EXOC6B: variants seen among roughly 807,000 people sequenced by gnomAD.
EXOC6B encodes the protein SEC15 homolog B.
In EXOC6B, 54 loss-of-function variants were observed where a neutral mutation model predicts 113.5. The observed-to-expected ratio is 0.48, with a 90% CI of 0.38 to 0.60. EXOC6B has a LOEUF of 0.60. EXOC6B is among the 20% of genes least tolerant of loss of function. EXOC6B has a pLI of 0.00. For synonymous variants in EXOC6B, 357 were observed against 339.0 expected (o/e 1.05, Z -0.58); for missense variants, 797 against 977.5 (o/e 0.82, Z 2.46).
intron 19 of EXOC6B, among the ~76,000 whole-genome samples, chr2:72,375,775 C>T (rs952151332): frequency 1.2e-4 from 18 of 151,840 alleles, no homozygotes; most frequent in African/African-American, 4.4e-4. Context: ...AGCAAATAAA[C>T]AAAAAGTAAG....
intron 19 of EXOC6B, among the ~76,000 whole-genome samples, chr2:72,370,015 T>A (rs1017819930): frequency 6.6e-6 from 1 of 152,094 alleles, no homozygotes; most frequent in African/African-American, 2.4e-5. Context: ...ACAAATGGGA[T>A]CTCATTAAAC....
At chr2:72,426,528 G>A (rs1695203609) in intron 18 of EXOC6B, among the ~76,000 whole-genome samples, 1 of 152,106 alleles carries the variant, frequency 6.6e-6, no homozygotes, top group Non-Finnish European at 1.5e-5. Flanking sequence ...TCTGCTATTT[G>A]TTATGATTAG....
chr2:72,258,290 A>G (rs966097315), intron 20 of EXOC6B, among the ~76,000 whole-genome samples: 2 of 151,706 alleles, frequency 1.3e-5, no homozygotes, highest in Non-Finnish European at 2.9e-5. Flanking sequence ...TGATGTTCTC[A>G]GCACTTACGC....
At chr2:72,235,741 C>T (rs892163181) in intron 20 of EXOC6B, among the ~76,000 whole-genome samples, 13 of 152,078 alleles carry the variant, frequency 8.5e-5, no homozygotes, top group Middle Eastern at 3.4e-3. Flanking sequence ...TGTGGTGCCA[C>T]CCTTGTCTGC....
intron 2 of EXOC6B, among the ~76,000 whole-genome samples, chr2:72,739,606 A>G (rs1295939012): frequency 2.0e-5 from 3 of 152,078 alleles, no homozygotes; most frequent in Non-Finnish European, 4.4e-5. Flanking sequence ...AAAATAATAT[A>G]AATATTCACC....
chr2:72,568,486 C>T (rs369337946), intron 7 of EXOC6B, among the ~76,000 whole-genome samples: 13 of 152,000 alleles, frequency 8.6e-5, no homozygotes, highest in African/African-American at 2.9e-4. Context: ...ATGATGCATG[C>T]CACTTTCTTC....
rs115544054 is a variant in EXOC6B, at chr2:72,356,744, C to G, written c.2123-21724G>C. On this transcript the variant is annotated intron_variant, in intron 19 of 21. Transcript: ENST00000272427. ...CGCTTGCTTTCTGCTTGCATATACT[C>G]TAAATATAGTAGTCTTCCCCTTATC... 3.9e-3 allele frequency among the ~76,000 whole-genome samples: 586 copies of G among 152,178 alleles called. 11 individuals are homozygous for G. The highest frequency in any genetic ancestry group is 0.014 in the African/African-American group (573 of 41,516).
chr2:72,710,217 C>CA (rs1007774144), intron 6 of EXOC6B, among the ~76,000 whole-genome samples: 3 of 151,642 alleles, frequency 2.0e-5, no homozygotes, highest in African/African-American at 7.3e-5. Context: ...TGTGGGGAGC[C>CA]AAAAAACAAG....
At chr2:72,745,790 C>A (rs547528209) in intron 1 of EXOC6B, among the ~76,000 whole-genome samples, 44 of 152,088 alleles carry the variant, frequency 2.9e-4, no homozygotes, top group Non-Finnish European at 1.0e-4. Context: ...TAACACTTTG[C>A]TAACCAACAT....
chr2:72,558,177 A>G (rs999950560), intron 8 of EXOC6B, among the ~76,000 whole-genome samples: 6 of 152,170 alleles, frequency 3.9e-5, no homozygotes, highest in Non-Finnish European at 7.3e-5. Context: ...GTAAATACAA[A>G]AATCACATTA....
Position 72,312,800 on chromosome 2 carries a change from C to CA in EXOC6B, c.2196+22146dup, listed in dbSNP as rs11288459. Among the ~76,000 whole-genome samples the CA allele has an allele frequency of 3.8e-3, 431 of 113,350 alleles. 3 individuals carry two copies. The highest frequency in any genetic ancestry group is 0.029 in the East Asian group (103 of 3,594). 74.4% of individuals were successfully genotyped at this position (113,350 alleles called of 152,430 possible). A position where few individuals can be genotyped will look rare whatever the true frequency, so the allele number is the denominator to read the frequency against. Reference sequence around the variant, plus strand: ...AACAACAACAAACAAAAACGACAACCAAAAAAAAAAAAAACAAAAAACAAA... The same window carrying CA: ...AACAACAACAAACAAAAACGACAACCAAAAAAAAAAAAAAACAAAAAACAAA... On this transcript the variant is annotated intron_variant, in intron 20 of 21. Coordinates refer to ENST00000272427, the MANE Select transcript of EXOC6B (RefSeq NM_015189.3).
intron 9 of EXOC6B, 44 bp downstream of exon 9, chr2:72,514,999 G>T: frequency 6.6e-7 from 1 of 1,509,490 alleles, no homozygotes; most frequent in South Asian, 1.2e-5. Context: ...AGACATCAAG[G>T]AGGAAAAGTA....
At chr2:72,304,139 T>C (rs1314478857) in intron 20 of EXOC6B, among the ~76,000 whole-genome samples, 2 of 152,214 alleles carry the variant, frequency 1.3e-5, no homozygotes, top group African/African-American at 4.8e-5. Context: ...TGTTAGTACA[T>C]ATGACTGCCT....
chr2:72,471,540 T>A (rs1698411206), intron 17 of EXOC6B, among the ~76,000 whole-genome samples: 2 of 152,184 alleles, frequency 1.3e-5, no homozygotes, highest in African/African-American at 4.8e-5. Context: ...TCCTTGCCCA[T>A]GCCTATGTCC....
intron 20 of EXOC6B, among the ~76,000 whole-genome samples, chr2:72,310,910 G>A (rs1687150660): frequency 6.7e-6 from 1 of 149,530 alleles, no homozygotes; most frequent in African/African-American, 2.5e-5. Flanking sequence ...TAATATTATA[G>A]CCATTTTCAA....
chr2:72,482,464 G>A (rs776205801), intron 16 of EXOC6B, among the ~76,000 whole-genome samples: 1 of 151,650 alleles, frequency 6.6e-6, no homozygotes, highest in African/African-American at 2.4e-5. Flanking sequence ...AATTAATCTA[G>A]GTCTTTTGGT....
intron 8 of EXOC6B, among the ~76,000 whole-genome samples, chr2:72,523,730 G>A (rs554235754): frequency 3.8e-4 from 52 of 135,774 alleles, no homozygotes; most frequent in Non-Finnish European, 5.6e-4. Flanking sequence ...GCCATGAGCC[G>A]AGATCACGCC....
intron 1 of EXOC6B, among the ~76,000 whole-genome samples, chr2:72,812,912 A>C (rs984134927): frequency 1.1e-4 from 16 of 152,192 alleles, no homozygotes; most frequent in African/African-American, 3.1e-4. Context: ...ATCAAAATTA[A>C]AAAAACTTGT....
intron 17 of EXOC6B, among the ~76,000 whole-genome samples, chr2:72,475,520 C>T (rs985540955): frequency 6.6e-6 from 1 of 152,062 alleles, no homozygotes; most frequent in African/African-American, 2.4e-5. Context: ...CTGTGGAGGA[C>T]AGGGCTAGGT....
Sources: gnomAD v4.1 joint callset for allele counts (sites outside exome capture counted in the v4.1 genomes callset) on GRCh38, gnomAD v4.1.1 for gene constraint, MANE v1.5 for transcripts, NCBI Gene and HGNC (gene_info 2026-07-23, HGNC 2026-07-21) for gene names.